Variants in CASR observed in about 807,000 individuals in gnomAD.
The protein encoded by CASR is calcium sensing receptor.
In CASR, 23 loss-of-function variants were observed where a neutral mutation model predicts 69.1. That is an observed-to-expected ratio of 0.33 (90% CI 0.24 to 0.47). The LOEUF (loss-of-function observed/expected upper bound fraction) is 0.47, where lower values mean the gene tolerates loss of function less well. Among genes scored for constraint, CASR ranks in the 20% least tolerant of loss-of-function variants. The pLI is 1.00. For missense variants in CASR, 924 were observed against 1,356.1 expected (o/e 0.68, Z 5.00); for synonymous variants, 541 against 544.7 (o/e 0.99, Z 0.10).
At position 122,276,000 on chromosome 3, in the gene CASR, C is replaced by A. The variant is rs769907714; in HGVS notation, c.1566C>A (p.Phe522Leu). The part of the protein sequence containing the change: ...NVYAKKGERL[F>L]INEEKILWSG... ...ATGCCAAGAAGGGAGAAAGACTCTT[C>A]ATCAACGAGGAGAAAATCCTGTGGA... The change falls in exon 5 of 7, where the codon TTC becomes TTA. Residue 522 changes from phenylalanine (F) to leucine (L), a missense_variant. Phe to Leu is a conservative substitution (Grantham distance 22). Coordinates refer to ENST00000639785, the MANE Select transcript of CASR (RefSeq NM_000388.4). 1.9e-6 allele frequency: 3 copies of A among 1,613,836 alleles called. No homozygotes were observed. Among genetic ancestry groups the A allele is most frequent in the Non-Finnish European group, 2.5e-6 (3 of 1,179,738 alleles).
intron 4 of CASR, among the ~76,000 whole-genome samples, chr3:122,269,747 T>C (rs989978248): frequency 6.6e-6 from 1 of 152,190 alleles, no homozygotes; most frequent in Non-Finnish European, 1.5e-5. Flanking sequence ...TTTTTTGATG[T>C]TCTGTAAGAC....
At chr3:122,232,087 T>C (rs2074284124) in intron 1 of CASR, among the ~76,000 whole-genome samples, 1 of 152,208 alleles carries the variant, frequency 6.6e-6, no homozygotes, top group Non-Finnish European at 1.5e-5. Flanking sequence ...GCTTGTTGTA[T>C]TCTTTCCTTG....
At chr3:122,256,378 A>G (rs993789803) in intron 2 of CASR, among the ~76,000 whole-genome samples, 2 of 152,176 alleles carry the variant, frequency 1.3e-5, no homozygotes, top group Non-Finnish European at 2.9e-5. Flanking sequence ...GTACATCTAC[A>G]TATTGCTTTT....
chr3:122,255,428 T>C (rs1359447492), intron 2 of CASR, among the ~76,000 whole-genome samples: 1 of 152,242 alleles, frequency 6.6e-6, no homozygotes, highest in Non-Finnish European at 1.5e-5. Flanking sequence ...CATGTTCTAA[T>C]GAGAGCTAGT....
chr3:122,251,934 A>G (rs2074488250), intron 1 of CASR, among the ~76,000 whole-genome samples: 1 of 152,240 alleles, frequency 6.6e-6, no homozygotes, highest in Non-Finnish European at 1.5e-5. Flanking sequence ...AGATTTGCAA[A>G]TTGCAAAAGA....
At chr3:122,207,446 T>TA (rs1559938038) in intron 1 of CASR, among the ~76,000 whole-genome samples, 1 of 152,110 alleles carries the variant, frequency 6.6e-6, no homozygotes, top group African/African-American at 2.4e-5. Context: ...ACACATTTTT[T>TA]AAAAAATAGA....
intron 1 of CASR, among the ~76,000 whole-genome samples, chr3:122,233,651 A>G (rs1294276572): frequency 6.6e-6 from 1 of 152,040 alleles, no homozygotes; most frequent in African/African-American, 2.4e-5. Flanking sequence ...TCCTCCTTTT[A>G]TGTCTATGCC....
chr3:122,192,000 C>A (rs2073844388), intron 1 of CASR, among the ~76,000 whole-genome samples: 1 of 152,172 alleles, frequency 6.6e-6, no homozygotes, highest in Admixed American at 6.5e-5. Flanking sequence ...CAGCCTTTGA[C>A]CAAAGAATTT....
chr3:122,195,026 C>G (rs1196510079), intron 1 of CASR, among the ~76,000 whole-genome samples: 1 of 117,224 alleles, frequency 8.5e-6, no homozygotes, highest in Admixed American at 7.9e-5. Context: ...CCTCCTTTTT[C>G]CTCCTCCCTC....
At position 122,285,886 on chromosome 3, in the gene CASR, T is replaced by C. The variant is rs1347833138; in HGVS notation, c.*695T>C. On this transcript the variant is annotated 3_prime_UTR_variant, in exon 7 of 7. Transcript: ENST00000639785. ...TGTATCTGTAATTAATATTCCTATA[T>C]GTAGCTTTATCCTTAGGAAAATGCT... is the stretch of plus-strand genomic sequence containing the variant. 6.5e-6 allele frequency: 1 copy of C among 154,268 alleles called. No individual in the cohort carries two copies. The highest frequency in any genetic ancestry group is 1.4e-5 in the Non-Finnish European group (1 of 69,212). The allele number at this position is 154,268 out of a possible 1,614,324, so 9.6% of individuals were successfully genotyped here. A position where few individuals can be genotyped will look rare whatever the true frequency, so the allele number is the denominator to read the frequency against.
chr3:122,262,412 G>A lies in CASR; in HGVS notation c.1377G>A (p.Gln459=), dbSNP rs375297380. 4 of 1,611,028 alleles carry A rather than the reference G, an allele frequency of 2.5e-6. No individual in the cohort carries two copies. The highest frequency in any genetic ancestry group is 3.4e-6 in the Non-Finnish European group (4 of 1,179,910). ...ACATCAAGAAAGTTGAGGCGTGGCA[G>A]GTGCGTCCTTCACTTATATAGCAAT... The part of the protein sequence containing the change: ...CADIKKVEAW[Q]VLKHLRHLNF... The change falls in exon 4 of 7, where the codon CAG becomes CAA. Residue 459 remains glutamine (Q), a splice_region_variant and synonymous_variant. Coordinates refer to ENST00000639785, the MANE Select transcript of CASR (RefSeq NM_000388.4).
chr3:122,193,848 C>CT (rs1360139487), intron 1 of CASR, among the ~76,000 whole-genome samples: 1 of 151,912 alleles, frequency 6.6e-6, no homozygotes, highest in Non-Finnish European at 1.5e-5. Context: ...AGTTACTTTA[C>CT]TTTTTTTTAT....
At chr3:122,263,761 C>T (rs2074655293) in intron 4 of CASR, among the ~76,000 whole-genome samples, 1 of 152,196 alleles carries the variant, frequency 6.6e-6, no homozygotes, top group Non-Finnish European at 1.5e-5. Flanking sequence ...GTGGGGTACT[C>T]AGAGCTTCTT....
At chr3:122,203,653 C>T (rs548469487) in intron 1 of CASR, among the ~76,000 whole-genome samples, 2 of 152,232 alleles carry the variant, frequency 1.3e-5, no homozygotes, top group South Asian at 2.1e-4. Context: ...AGTCAGTGAG[C>T]GAGTGATGAG....
In CASR at chr3:122,285,404, G is replaced by A; in HGVS notation, c.*213G>A. 1 of 494,414 alleles carries A rather than the reference G, an allele frequency of 2.0e-6. No homozygotes were observed. The highest frequency in any genetic ancestry group is 3.6e-6 in the Non-Finnish European group (1 of 274,564). 30.6% of individuals were successfully genotyped at this position (494,414 alleles called of 1,614,324 possible). On this transcript the variant is annotated 3_prime_UTR_variant, in exon 7 of 7. Coordinates refer to ENST00000639785, the MANE Select transcript of CASR (RefSeq NM_000388.4). ...AGAAGAGCCTTGTGTTTCTGTGGTT[G>A]CATTTGTCAAAGCATTGAGATCTCC...
Position 122,285,288 on chromosome 3 carries a change from A to C in CASR, c.*97A>C, listed in dbSNP as rs2074957188. Reference sequence around the variant, plus strand: ...CCAGACTCCTTTCCTCTGAGGAAGAAGGGATAATAGACACATCAAATGCCC... The same window carrying C: ...CCAGACTCCTTTCCTCTGAGGAAGACGGGATAATAGACACATCAAATGCCC... On this transcript the variant is annotated 3_prime_UTR_variant, in exon 7 of 7. Coordinates refer to ENST00000639785, the MANE Select transcript of CASR (RefSeq NM_000388.4). 1.8e-6 allele frequency: 2 copies of C among 1,115,394 alleles called. No homozygotes were observed. The highest frequency in any genetic ancestry group is 2.5e-5 in the South Asian group (2 of 79,988). The allele number at this position is 1,115,394 out of a possible 1,614,324, so 69.1% of individuals were successfully genotyped here. A position where few individuals can be genotyped will look rare whatever the true frequency, so the allele number is the denominator to read the frequency against.
At chr3:122,242,328 G>A (rs369221119) in intron 1 of CASR, among the ~76,000 whole-genome samples, 14 of 152,104 alleles carry the variant, frequency 9.2e-5, no homozygotes, top group African/African-American at 3.4e-4. Flanking sequence ...AACAAATTCA[G>A]TAAAGTTGCA....
rs1559968392 is a variant in CASR at position 122,283,842 on chromosome 3, G to T, written c.1888G>T (p.Val630Leu). The T allele has an allele frequency of 1.9e-6, 3 of 1,613,946 alleles. No individual in the cohort carries two copies. The highest frequency in any genetic ancestry group is 2.5e-6 in the Non-Finnish European group (3 of 1,180,028). The change falls in exon 7 of 7, where the codon GTG (valine) becomes TTG (leucine). Residue 630 changes from valine (V) to leucine (L), a missense_variant. Coordinates refer to ENST00000639785, the MANE Select transcript of CASR (RefSeq NM_000388.4). ...AVLGIFLTAF[V>L]LGVFIKFRNT... ...GCTGGGCATTTTCCTGACAGCCTTT[G>T]TGCTGGGTGTGTTTATCAAGTTCCG...
intron 1 of CASR, 73 bp from the exon 2 acceptor site, chr3:122,253,875 C>A: frequency 2.7e-6 from 1 of 373,220 alleles, no homozygotes; most frequent in Non-Finnish European, 5.1e-6. Flanking sequence ...TTCTGAGCCA[C>A]CTTAGTTGCA....
Sources: gnomAD v4.1 joint callset for allele counts (sites outside exome capture counted in the v4.1 genomes callset) on GRCh38, gnomAD v4.1.1 for gene constraint, MANE v1.5 for transcripts, NCBI Gene and HGNC (gene_info 2026-07-23, HGNC 2026-07-21) for gene names.